The following EIF5 variants were observed in gnomAD, a reference collection of about 807,000 sequenced individuals.
The protein encoded by EIF5 is eukaryotic translation initiation factor 5.
EIF5 carries 10 observed loss-of-function variants against 48.3 expected under a neutral mutation model. That is an observed-to-expected ratio of 0.21 (90% CI 0.13 to 0.35). The LOEUF is 0.35. Among genes scored for constraint, EIF5 ranks in the 10% least tolerant of loss-of-function variants. The probability of loss-of-function intolerance (pLI) is 1.00; values close to 1 mark genes in which losing one functional copy is unlikely to be tolerated. For synonymous variants in EIF5, 237 were observed against 173.1 expected (o/e 1.37, Z -2.90); for missense variants, 397 against 533.2 (o/e 0.74, Z 2.51).
chr14:103,338,270 G>A, intron 6 of EIF5, 57 bp from the exon 7 acceptor site: 1 of 1,581,982 alleles, frequency 6.3e-7, no homozygotes, highest in East Asian at 2.2e-5. Flanking sequence ...GTTAATGATG[G>A]GCAATGAGGT....
rs2089396468 is a variant in EIF5 at position 103,344,893 on chromosome 14, C to T, written c.*3841C>T. On this transcript the variant is annotated 3_prime_UTR_variant, in exon 12 of 12. Transcript: ENST00000216554. Reference sequence around the variant, plus strand: ...TCTAGCAATACACTGTTTACAAGAGCATCACCTAAAATGTGACAAAAGATG... The same window carrying T: ...TCTAGCAATACACTGTTTACAAGAGTATCACCTAAAATGTGACAAAAGATG... 1 of 152,116 alleles carries T rather than the reference C, an allele frequency of 6.6e-6. No homozygotes were observed. Among genetic ancestry groups the T allele is most frequent in the Non-Finnish European group, 1.5e-5 (1 of 68,032 alleles). 9.4% of individuals were successfully genotyped at this position (152,116 alleles called of 1,614,324 possible).
chr14:103,342,935 A>T lies in EIF5; in HGVS notation c.*1883A>T, dbSNP rs2089371075. 6.6e-6 allele frequency: 1 copy of T among 152,646 alleles called. No homozygotes were observed. Among genetic ancestry groups the T allele is most frequent in the Non-Finnish European group, 1.5e-5 (1 of 68,046 alleles). 9.5% of individuals were successfully genotyped at this position (152,646 alleles called of 1,614,324 possible). A position where few individuals can be genotyped will look rare whatever the true frequency, so the allele number is the denominator to read the frequency against. On this transcript the variant is annotated 3_prime_UTR_variant, in exon 12 of 12. Coordinates refer to ENST00000216554, the MANE Select transcript of EIF5 (RefSeq NM_001969.5). ...GTCAAGCTAATGAGGTTCTATTATA[A>T]AGGTTCTACTTTTAATCTGAGGGAA...
At position 103,338,151 on chromosome 14, in the gene EIF5, G is replaced by T. The variant is rs114716984; in HGVS notation, c.440-176G>T. On this transcript the variant is annotated intron_variant, in intron 6 of 11. Transcript: ENST00000216554. ...TCCATTCTTAGACTAACATTCTTACGTATGAAATACATGATGAATTTGATC... is the reference window on the plus strand; with the variant it reads ...TCCATTCTTAGACTAACATTCTTACTTATGAAATACATGATGAATTTGATC... 7 of 866,796 alleles carry T rather than the reference G, an allele frequency of 8.1e-6. No homozygotes were observed. The Admixed American group carries it at 9.2e-5, about 11-fold the overall frequency. The allele number at this position is 866,796 out of a possible 1,614,324, so 53.7% of individuals were successfully genotyped here.
At chr14:103,337,271 C>T (rs552740327) in intron 6 of EIF5, 44 bp downstream of exon 6, 15 of 1,509,942 alleles carry the variant, frequency 9.9e-6, no homozygotes, top group Non-Finnish European at 1.3e-5. Context: ...AGATAAGTTA[C>T]TAACTGTTGG....
Position 103,337,269 on chromosome 14 carries a change from T to C in EIF5, c.439+42T>C, listed in dbSNP as rs369309006. 5.9e-6 allele frequency: 9 copies of C among 1,514,992 alleles called. No individual in the cohort carries two copies. The Admixed American group carries it at 7.8e-5, about 13-fold the overall frequency. 93.8% of individuals were successfully genotyped at this position (1,514,992 alleles called of 1,614,324 possible). ...GAACTCCTAAGATCCTAAGATAAGT[T>C]ACTAACTGTTGGGAACAAAATAGAA... On this transcript the variant is annotated intron_variant, in intron 6 of 11. Transcript: ENST00000216554.
At position 103,339,723 on chromosome 14, in the gene EIF5, T is replaced by G. The variant is rs2089330989; in HGVS notation, c.991T>G (p.Ser331Ala). 1 of 1,614,210 alleles carries G rather than the reference T, an allele frequency of 6.2e-7. No homozygotes were observed. The highest frequency in any genetic ancestry group is 8.5e-7 in the Non-Finnish European group (1 of 1,180,036). The change falls in exon 10 of 12, where the codon TCC becomes GCC. Residue 331 changes from serine to alanine, a missense_variant. By Grantham distance (99) the Ser-to-Ala change is moderately conservative. Transcript: ENST00000216554. ...AGCAATGCATCAAGCTCAGCTTATC[T>G]CCAAGATTCCACATATCTTGAAGGA... ...VVAMHQAQLI[S>A]KIPHILKEMY...
chr14:103,336,931 G>A lies in EIF5; in HGVS notation c.327+82G>A. ...GCTAAGTCACCTTCCTGAGAAGGCA[G>A]AGCAAATGTAATTTTAAATCAAACA... On this transcript the variant is annotated intron_variant, in intron 5 of 11. Transcript: ENST00000216554. The A allele has an allele frequency of 3.4e-6, 5 of 1,478,030 alleles. No individual in the cohort carries two copies. In the South Asian group the frequency reaches 5.3e-5, roughly 16 times the overall value. The allele number at this position is 1,478,030 out of a possible 1,614,324, so 91.6% of individuals were successfully genotyped here.
Position 103,335,734 on chromosome 14 carries a change from T to C in EIF5, c.-127T>C. On this transcript the variant is annotated 5_prime_UTR_variant, in exon 3 of 12. Transcript: ENST00000216554. Reference sequence around the variant, plus strand: ...GCTTACAGCCTCAGTGGCGAAAATTTTTTCATGTCAGAGACCGAGAACTCT... The same window carrying C: ...GCTTACAGCCTCAGTGGCGAAAATTCTTTCATGTCAGAGACCGAGAACTCT... 2 of 1,137,446 alleles carry C rather than the reference T, an allele frequency of 1.8e-6. No individual in the cohort carries two copies. The highest frequency in any genetic ancestry group is 2.6e-6 in the Non-Finnish European group (2 of 779,206). The allele number at this position is 1,137,446 out of a possible 1,614,324, so 70.5% of individuals were successfully genotyped here.
rs1219470162 is a variant in EIF5 at position 103,336,777 on chromosome 14, G to T, written c.255G>T (p.Leu85=). ...ATGGATCTCATGAGGCGAATAAGCT[G>T]CAAGACATGTTGGATGGATTCATTA... is the stretch of plus-strand genomic sequence containing the variant. The part of the protein sequence containing the change: ...IVNGSHEANK[L]QDMLDGFIKK... The change falls in exon 5 of 12, where the codon CTG becomes CTT. Residue 85 remains leucine, a synonymous_variant. Coordinates refer to ENST00000216554, the MANE Select transcript of EIF5 (RefSeq NM_001969.5). The T allele has an allele frequency of 6.2e-7, 1 of 1,614,050 alleles. No homozygotes were observed. The highest frequency in any genetic ancestry group is 8.5e-7 in the Non-Finnish European group (1 of 1,180,044).
At position 103,339,850 on chromosome 14, in the gene EIF5, G is replaced by A. The variant is rs756715317; in HGVS notation, c.1071+47G>A. 4 of 1,572,174 alleles carry A rather than the reference G, an allele frequency of 2.5e-6. No homozygotes were observed. The South Asian group carries it at 3.5e-5, about 14-fold the overall frequency. On this transcript the variant is annotated intron_variant, in intron 10 of 11. Transcript: ENST00000216554. ...TCTTAAAGTTCACAGGTTTTGGGGG[G>A]TTTTTTTGTTTGGTTGATTGTTTTT...
In EIF5 at chr14:103,344,744, A is replaced by AATTG. The variant is rs1343342026; in HGVS notation, c.*3695_*3696insGATT. ...AAGTCTTTAGGAGAGTAGAAAACAC[A>AATTG]ATTAACTAAAAAGCAGGGACATCTG... On this transcript the variant is annotated 3_prime_UTR_variant, in exon 12 of 12. Transcript: ENST00000216554. The AATTG allele has an allele frequency of 6.6e-6, 1 of 152,110 alleles. No homozygotes were observed. Among genetic ancestry groups the AATTG allele is most frequent in the Non-Finnish European group, 1.5e-5 (1 of 67,984 alleles). 9.4% of individuals were successfully genotyped at this position (152,110 alleles called of 1,614,324 possible). A position where few individuals can be genotyped will look rare whatever the true frequency, so the allele number is the denominator to read the frequency against.
intron 4 of EIF5, chr14:103,336,455 C>T (rs909468578): frequency 8.8e-6 from 5 of 569,556 alleles, no homozygotes; most frequent in East Asian, 6.1e-5. Context: ...GTGGCATGCG[C>T]TTGTAGTCCC....
In EIF5 at chr14:103,341,565, C is replaced by CT. The variant is rs1566723857; in HGVS notation, c.*514dup. ...TTAAGAAAGTACTAAAGTTTTATCT[C>CT]TGTAGTTCCTCAAATTGGCATCTGG... is the stretch of plus-strand genomic sequence containing the variant. On this transcript the variant is annotated 3_prime_UTR_variant, in exon 12 of 12. Transcript: ENST00000216554. The CT allele has an allele frequency of 6.5e-6, 1 of 154,676 alleles. No individual in the cohort carries two copies. The highest frequency in any genetic ancestry group is 2.4e-5 in the African/African-American group (1 of 41,468). The allele number at this position is 154,676 out of a possible 1,614,324, so 9.6% of individuals were successfully genotyped here. A position where few individuals can be genotyped will look rare whatever the true frequency, so the allele number is the denominator to read the frequency against.
At chr14:103,337,958 A>T (rs764242369) in intron 6 of EIF5, 1 of 535,242 alleles carries the variant, frequency 1.9e-6, no homozygotes, top group Non-Finnish European at 3.7e-6. Context: ...ACAAGCCGTT[A>T]TATAGACTTA....
chr14:103,340,513 G>A lies in EIF5; in HGVS notation c.1158G>A (p.Glu386=), dbSNP rs1804617. The part of the protein sequence containing the change: ...EPFIKWLKEA[E]EESSGGEEED... ...TTATAAAATGGTTGAAGGAGGCAGA[G>A]GAAGAATCTTCTGGTGGCGAAGAAG... The change falls in exon 11 of 12, where the codon GAG becomes GAA. Residue 386 remains glutamate (E), a synonymous_variant. Transcript: ENST00000216554. 17,368 of 1,613,062 alleles carry A rather than the reference G, an allele frequency of 0.011. 143 individuals carry two copies. The highest frequency in any genetic ancestry group is 0.013 in the Non-Finnish European group (15,400 of 1,179,060).
rs926191636 is a variant in EIF5, at chr14:103,341,113, A to G, written c.*61A>G. 8 of 1,500,110 alleles carry G rather than the reference A, an allele frequency of 5.3e-6. No individual in the cohort carries two copies. In the African/African-American group the frequency reaches 6.9e-5, roughly 13 times the overall value. 92.9% of individuals were successfully genotyped at this position (1,500,110 alleles called of 1,614,324 possible). On this transcript the variant is annotated 3_prime_UTR_variant, in exon 12 of 12. Transcript: ENST00000216554. ...TGCAAATTTTCCTCCATTATCAGCC[A>G]GAAGTGCAACATGTATGTGCAAAAG...
At chr14:103,336,003 A>T (rs750694006) in intron 3 of EIF5, 33 bp from the exon 4 acceptor site, 1 of 1,613,958 alleles carries the variant, frequency 6.2e-7, no homozygotes, top group Non-Finnish European at 8.5e-7. Flanking sequence ...TTGTCAGGGG[A>T]AACTGCACAA....
chr14:103,336,642 C>T, intron 4 of EIF5, 35 bp from the exon 5 acceptor site: 1 of 1,563,496 alleles, frequency 6.4e-7, no homozygotes, highest in Non-Finnish European at 8.6e-7. Flanking sequence ...ATCTAGTTAA[C>T]TGTAACGATC....
rs2089376586 is a variant in EIF5, at chr14:103,343,434, A to G, written c.*2382A>G. ...GGTGCTTAATAGGGAACATACATACAGCTATGTAACTGTGAATAATTGTAT... is the reference window on the plus strand; with the variant it reads ...GGTGCTTAATAGGGAACATACATACGGCTATGTAACTGTGAATAATTGTAT... On this transcript the variant is annotated 3_prime_UTR_variant, in exon 12 of 12. Transcript: ENST00000216554. 1 of 151,810 alleles carries G rather than the reference A, an allele frequency of 6.6e-6. No individual in the cohort carries two copies. The highest frequency in any genetic ancestry group is 2.4e-5 in the African/African-American group (1 of 41,252). 9.4% of individuals were successfully genotyped at this position (151,810 alleles called of 1,614,324 possible).
Sources: gnomAD v4.1 joint callset for allele counts on GRCh38, gnomAD v4.1.1 for gene constraint, MANE v1.5 for transcripts, NCBI Gene and HGNC (gene_info 2026-07-23, HGNC 2026-07-21) for gene names.